Variants in B3GALT1 observed in about 807,000 individuals in gnomAD.
B3GALT1 encodes UDP-Gal:betaGlcNAc beta 1,3-galactosyltransferase, polypeptide 1.
A neutral mutation model predicts 23.2 loss-of-function variants in B3GALT1; 10 were observed. The ratio of observed to expected loss-of-function variants is 0.43; its 90% CI spans 0.27 to 0.73. The LOEUF (loss-of-function observed/expected upper bound fraction) is 0.73, where lower values mean the gene tolerates loss of function less well. Ranked by LOEUF, B3GALT1 falls within the 30% of genes least tolerant of loss-of-function variation. The pLI is 0.21. For missense variants in B3GALT1, 299 were observed against 405.4 expected (o/e 0.74, Z 2.25); for synonymous variants, 156 against 141.5 (o/e 1.10, Z -0.73).
chr2:167,380,249 A>AT (rs1248259987), intron 1 of B3GALT1, among the ~76,000 whole-genome samples: 2 of 152,112 alleles, frequency 1.3e-5, no homozygotes, highest in Non-Finnish European at 2.9e-5. Flanking sequence ...GAATGCCTGG[A>AT]TTTCTGCCTG....
intron 1 of B3GALT1, among the ~76,000 whole-genome samples, chr2:167,359,358 G>A (rs747198996): frequency 3.9e-5 from 6 of 152,088 alleles, no homozygotes; most frequent in East Asian, 1.9e-4. Context: ...GCTGCATACT[G>A]CTCCCTTCTG....
intron 1 of B3GALT1, among the ~76,000 whole-genome samples, chr2:167,314,620 T>C (rs1696683879): frequency 6.6e-6 from 1 of 152,218 alleles, no homozygotes; most frequent in Admixed American, 6.5e-5. Context: ...TTAGTCATTT[T>C]ATTAAGAATT....
intron 2 of B3GALT1, among the ~76,000 whole-genome samples, chr2:167,534,007 T>C (rs1683374003): frequency 6.6e-6 from 1 of 152,210 alleles, no homozygotes; most frequent in Non-Finnish European, 1.5e-5. Context: ...GTTTGTTTTA[T>C]GATAATTATT....
intron 2 of B3GALT1, among the ~76,000 whole-genome samples, chr2:167,618,443 C>A (rs1685198883): frequency 6.6e-6 from 1 of 151,848 alleles, no homozygotes; most frequent in South Asian, 2.1e-4. Flanking sequence ...ACAGATATGA[C>A]CTGCCTTTAT....
chr2:167,435,947 A>G (rs1056302074), intron 1 of B3GALT1, among the ~76,000 whole-genome samples: 1 of 129,168 alleles, frequency 7.7e-6, no homozygotes, highest in African/African-American at 4.0e-5. Flanking sequence ...CCCTCCACAC[A>G]CACACAAACA....
chr2:167,555,337 G>T (rs924194690), intron 2 of B3GALT1, among the ~76,000 whole-genome samples: 1 of 152,142 alleles, frequency 6.6e-6, no homozygotes, highest in African/African-American at 2.4e-5. Flanking sequence ...TCTGAGTTCA[G>T]AAGTAACTTG....
intron 1 of B3GALT1, among the ~76,000 whole-genome samples, chr2:167,448,285 GT>G (rs915849408): frequency 1.3e-5 from 2 of 151,702 alleles, no homozygotes; most frequent in African/African-American, 2.4e-5. Flanking sequence ...GCCGACATCT[GT>G]TTTTTTTAAT....
rs11899536 is a variant in B3GALT1 at position 167,411,994 on chromosome 2, A to C, written c.-510-78183A>C. Among the ~76,000 whole-genome samples the C allele has an allele frequency of 2.7e-3, 412 of 152,218 alleles. 1 individual carries two copies. Among genetic ancestry groups the C allele is most frequent in the African/African-American group, 9.2e-3 (381 of 41,546 alleles). On this transcript the variant is annotated intron_variant, in intron 1 of 4. Coordinates refer to ENST00000392690, the MANE Select transcript of B3GALT1 (RefSeq NM_020981.4). ...GCATGTTCTCACTCGTGTAGGAGCT[A>C]AAGTGTGGAGCTCATGAAGACAGAG...
At chr2:167,786,062 A>G (rs1232120539) in intron 3 of B3GALT1, among the ~76,000 whole-genome samples, 2 of 152,322 alleles carry the variant, frequency 1.3e-5, no homozygotes, top group East Asian at 3.9e-4. Flanking sequence ...GAGTCACTAT[A>G]GCTATTAAAT....
At chr2:167,846,039 T>C (rs1249452430) in intron 4 of B3GALT1, among the ~76,000 whole-genome samples, 1 of 151,514 alleles carries the variant, frequency 6.6e-6, no homozygotes, top group Admixed American at 6.6e-5. Flanking sequence ...ATTAACCCAA[T>C]CCAACAAAGT....
At chr2:167,620,867 T>C (rs1685243074) in intron 2 of B3GALT1, among the ~76,000 whole-genome samples, 1 of 152,082 alleles carries the variant, frequency 6.6e-6, no homozygotes, top group Admixed American at 6.6e-5. Flanking sequence ...GAAAATGTCT[T>C]GTTCACCAAC....
chr2:167,713,732 T>C, intron 3 of B3GALT1: 1 of 1,565,390 alleles, frequency 6.4e-7, no homozygotes, highest in East Asian at 2.2e-5. Flanking sequence ...GGGAACTTGC[T>C]TCTACCTTCA....
intron 4 of B3GALT1, among the ~76,000 whole-genome samples, chr2:167,837,780 A>G (rs1374628100): frequency 2.0e-3 from 292 of 149,692 alleles, no homozygotes; most frequent in African/African-American, 6.4e-3. Flanking sequence ...GTTGGAAGTA[A>G]AGCTCTCCTC....
chr2:167,848,771 G>A (rs1223004155), intron 4 of B3GALT1, among the ~76,000 whole-genome samples: 2 of 152,024 alleles, frequency 1.3e-5, no homozygotes, highest in Non-Finnish European at 2.9e-5. Context: ...AAGAAATGAA[G>A]GGCATCCAAA....
intron 1 of B3GALT1, among the ~76,000 whole-genome samples, chr2:167,306,338 T>C (rs1328662962): frequency 1.3e-5 from 2 of 152,008 alleles, no homozygotes; most frequent in Admixed American, 1.3e-4. Flanking sequence ...GGTACAAAAT[T>C]ACGTACAAGT....
At chr2:167,483,307 C>A (rs1699585380) in intron 1 of B3GALT1, among the ~76,000 whole-genome samples, 1 of 152,058 alleles carries the variant, frequency 6.6e-6, no homozygotes, top group Non-Finnish European at 1.5e-5. Flanking sequence ...ACAACAACAA[C>A]AAAAACAACA....
rs934421668 is a variant in B3GALT1, at chr2:167,570,270, C to T, written c.-409-76639C>T. The stretch of plus-strand genomic sequence containing the variant: ...TCTTCCTTAAATGTTTGGTAGAATT[C>T]ATCAGTGAACTCATCGGGGCCTGGT... On this transcript the variant is annotated intron_variant, in intron 2 of 4. Coordinates refer to ENST00000392690, the MANE Select transcript of B3GALT1 (RefSeq NM_020981.4). Among the ~76,000 whole-genome samples, 4 of 151,902 alleles carry T rather than the reference C, an allele frequency of 2.6e-5. No homozygotes were observed. The East Asian group carries it at 7.7e-4, about 29-fold the overall frequency.
chr2:167,657,294 G>T (rs966830112), intron 3 of B3GALT1, among the ~76,000 whole-genome samples: 6 of 152,080 alleles, frequency 3.9e-5, no homozygotes, highest in Admixed American at 2.0e-4. Flanking sequence ...TTGAATCCTC[G>T]GGACTGGCTG....
intron 3 of B3GALT1, among the ~76,000 whole-genome samples, chr2:167,769,519 T>C (rs1041849155): frequency 6.6e-6 from 1 of 152,150 alleles, no homozygotes; most frequent in South Asian, 2.1e-4. Context: ...TACAGAATAG[T>C]TCTGTCATTC....
Sources: gnomAD v4.1 joint callset for allele counts (sites outside exome capture counted in the v4.1 genomes callset) on GRCh38, gnomAD v4.1.1 for gene constraint, MANE v1.5 for transcripts, NCBI Gene and HGNC (gene_info 2026-07-23, HGNC 2026-07-21) for gene names.